CACNA1B: variants seen among roughly 807,000 people sequenced by gnomAD.
CACNA1B encodes the protein voltage-dependent N-type calcium channel subunit alpha-1B.
Under a neutral mutation model 247.2 loss-of-function variants are expected in CACNA1B, and 70 were observed. The observed-to-expected ratio is 0.28, with a 90% CI of 0.23 to 0.35. The LOEUF (loss-of-function observed/expected upper bound fraction) is 0.35. CACNA1B is among the 10% of genes least tolerant of loss of function. CACNA1B has a pLI of 1.00. For missense variants in CACNA1B, 2,367 were observed against 3,197.4 expected, an observed-to-expected ratio of 0.74 and a Z score of 6.26; for synonymous variants, 1,231 against 1,294.4, an observed-to-expected ratio of 0.95 and a Z score of 1.05.
At chr9:138,112,709 G>A (rs929129107) in intron 40 of CACNA1B, among the ~76,000 whole-genome samples, 17 of 152,206 alleles carry the variant, frequency 1.1e-4, no homozygotes, top group Non-Finnish European at 1.9e-4. Flanking sequence ...TGGGTTTGTT[G>A]TGTTGAGCTC....
intron 20 of CACNA1B, among the ~76,000 whole-genome samples, chr9:138,041,602 G>C (rs775027941): frequency 2.0e-5 from 3 of 151,766 alleles, no homozygotes; most frequent in Non-Finnish European, 2.9e-5. Context: ...TCCTATGATT[G>C]ATGACTTTCA....
intron 3 of CACNA1B, among the ~76,000 whole-genome samples, chr9:137,905,081 G>A (rs539708590): frequency 1.6e-4 from 24 of 152,228 alleles, no homozygotes; most frequent in South Asian, 6.2e-4. Context: ...GGGGCCAGGC[G>A]TGGTGGCTTA....
rs1031141632 is a variant in CACNA1B, at chr9:138,010,524, C to G, written c.2160+447C>G. 3.0e-4 allele frequency among the ~76,000 whole-genome samples: 45 copies of G among 152,176 alleles called. No homozygotes were observed. Among genetic ancestry groups the G allele is most frequent in the African/African-American group, 1.0e-3 (43 of 41,434 alleles). On this transcript the variant is annotated intron_variant, in intron 17 of 46. Coordinates refer to ENST00000371372, the MANE Select transcript of CACNA1B (RefSeq NM_000718.4). The surrounding 1 kb of genome is among the most constrained non-coding windows in gnomAD (Gnocchi z 5.3). ...CCCTCTGTGATATCCCTCCGGATGA[C>G]ACAGTCCCCTCCTGGTCATGCTCTC...
Position 137,955,773 on chromosome 9 carries a change from G to A in CACNA1B, c.1146G>A (p.Glu382=), listed in dbSNP as rs1469873371. 1.9e-6 allele frequency: 3 copies of A among 1,612,402 alleles called. No individual in the cohort carries two copies. The highest frequency in any genetic ancestry group is 3.3e-5 in the Admixed American group (2 of 59,824). The change falls in exon 8 of 47, where the codon GAG becomes GAA. Residue 382 remains glutamate (E), a synonymous_variant. Coordinates refer to ENST00000371372, the MANE Select transcript of CACNA1B (RefSeq NM_000718.4). This position sits in a 1 kb window ranked among gnomAD's most constrained non-coding sequence, Gnocchi z 6.9. ...FLKLRRQQQI[E]RELNGYLEWI... is the part of the protein sequence containing the mutation. ...AGCTGCGCCGGCAGCAGCAGATCGAGCGAGAGCTCAACGGGTACCTGGAGT... is the reference window on the plus strand; with the variant it reads ...AGCTGCGCCGGCAGCAGCAGATCGAACGAGAGCTCAACGGGTACCTGGAGT...
chr9:138,046,139 G>A (rs530313429), intron 21 of CACNA1B, among the ~76,000 whole-genome samples: 11 of 152,274 alleles, frequency 7.2e-5, no homozygotes, highest in South Asian at 2.1e-4. Flanking sequence ...TGATTTCCTC[G>A]CTGCTTCCTG....
At chr9:138,084,248 C>A (rs1239731782) in intron 36 of CACNA1B, among the ~76,000 whole-genome samples, 1 of 151,270 alleles carries the variant, frequency 6.6e-6, no homozygotes, top group Non-Finnish European at 1.5e-5. Flanking sequence ...AGGACACCAG[C>A]TCCACAGCCA....
intron 36 of CACNA1B, among the ~76,000 whole-genome samples, chr9:138,091,782 A>G (rs1229024762): frequency 6.6e-6 from 1 of 152,260 alleles, no homozygotes; most frequent in African/African-American, 2.4e-5. Flanking sequence ...ATAAGTAAAA[A>G]TAAGTAAATA....
At chr9:138,112,239 C>T (rs1417978967) in intron 39 of CACNA1B, among the ~76,000 whole-genome samples, 159 bp from the exon 40 acceptor site, 1 of 152,140 alleles carries the variant, frequency 6.6e-6, no homozygotes, top group African/African-American at 2.4e-5. Flanking sequence ...TCTGCATCAG[C>T]GTTTGTTCCC....
chr9:137,893,867 G>A lies in CACNA1B; in HGVS notation c.530+10984G>A, dbSNP rs78377304. On this transcript the variant is annotated intron_variant, in intron 3 of 46. Coordinates refer to ENST00000371372, the MANE Select transcript of CACNA1B (RefSeq NM_000718.4). ...ATTGACACAGGGCCCAGAACAGCCC[G>A]TCCCGGGAGGGCCCCTCATGCTGCC... 8.8e-3 allele frequency among the ~76,000 whole-genome samples: 1,339 copies of A among 152,262 alleles called. 9 individuals are homozygous for A. Among genetic ancestry groups the A allele is most frequent in the Non-Finnish European group, 0.013 (874 of 68,014 alleles).
Position 137,986,271 on chromosome 9 carries a change from C to A in CACNA1B, c.1770-142C>A. ...GTCCAGGGTAGTGGGCCTGAAACTC[C>A]AGAGAAAAGCTCTAACTTCACACCT... On this transcript the variant is annotated intron_variant, in intron 13 of 46. Coordinates refer to ENST00000371372, the MANE Select transcript of CACNA1B (RefSeq NM_000718.4). The surrounding 1 kb of genome is among the most constrained non-coding windows in gnomAD (Gnocchi z 6.0). The A allele has an allele frequency of 1.1e-6, 1 of 909,052 alleles. No homozygotes were observed. The highest frequency in any genetic ancestry group is 1.6e-6 in the Non-Finnish European group (1 of 610,692). 56.3% of individuals were successfully genotyped at this position (909,052 alleles called of 1,614,324 possible).
Position 138,058,784 on chromosome 9 carries a change from T to A in CACNA1B, c.4473+51T>A. The A allele has an allele frequency of 6.6e-7, 1 of 1,511,736 alleles. No homozygotes were observed. The highest frequency in any genetic ancestry group is 1.2e-5 in the South Asian group (1 of 83,416). 93.6% of individuals were successfully genotyped at this position (1,511,736 alleles called of 1,614,324 possible). On this transcript the variant is annotated intron_variant, in intron 29 of 46. Transcript: ENST00000371372. The surrounding 1 kb of genome is among the most constrained non-coding windows in gnomAD (Gnocchi z 4.7). ...CAGCTGGCGCTGCTAGGGATTGGGA[T>A]CTAACCCTGAGGCTGAGTGGAGAGT...
chr9:138,105,430 T>G (rs1489363788), intron 38 of CACNA1B, among the ~76,000 whole-genome samples: 2 of 152,172 alleles, frequency 1.3e-5, no homozygotes, highest in Non-Finnish European at 2.9e-5. Flanking sequence ...GGCTGTGCTT[T>G]CAGAGGGATC....
intron 20 of CACNA1B, among the ~76,000 whole-genome samples, chr9:138,038,242 CT>C (rs1959070821): frequency 6.6e-6 from 1 of 152,206 alleles, no homozygotes; most frequent in Non-Finnish European, 1.5e-5. Flanking sequence ...AATGTTCACC[CT>C]TTCAAGTTGA....
intron 31 of CACNA1B, among the ~76,000 whole-genome samples, chr9:138,064,266 A>G (rs1427021594): frequency 2.0e-5 from 3 of 152,110 alleles, no homozygotes; most frequent in Non-Finnish European, 4.4e-5. Context: ...GTCTGGATCC[A>G]GTGTGCAATT....
rs1958179126 is a variant in CACNA1B, at chr9:137,973,339, A to G, written c.1543+1747A>G. Among the ~76,000 whole-genome samples, 1 of 152,152 alleles carries G rather than the reference A, an allele frequency of 6.6e-6. No homozygotes were observed. Among genetic ancestry groups the G allele is most frequent in the South Asian group, 2.1e-4 (1 of 4,826 alleles). ...CCTGAGGGAGGCTTGCTCAGTAGGTAGGACAGGCTTGCCAGAGGCGAGGGG... is the reference window on the plus strand; with the variant it reads ...CCTGAGGGAGGCTTGCTCAGTAGGTGGGACAGGCTTGCCAGAGGCGAGGGG... On this transcript the variant is annotated intron_variant, in intron 11 of 46. Coordinates refer to ENST00000371372, the MANE Select transcript of CACNA1B (RefSeq NM_000718.4). The surrounding 1 kb of genome is among the most constrained non-coding windows in gnomAD (Gnocchi z 4.1).
intron 41 of CACNA1B, among the ~76,000 whole-genome samples, chr9:138,114,948 C>T (rs1415289422): frequency 1.3e-5 from 2 of 152,158 alleles, no homozygotes; most frequent in South Asian, 4.1e-4. Flanking sequence ...TTCCCGATGT[C>T]GTCCTTCCCA....
Position 138,020,171 on chromosome 9 carries a change from G to A in CACNA1B, c.2268-2840G>A, listed in dbSNP as rs1471204055. ...ACACCAGGGCTGCTTCATATTGTCA[G>A]CAGTTCCGGGTTGTCTGAGCCCAGA... On this transcript the variant is annotated intron_variant, in intron 18 of 46. Transcript: ENST00000371372. This position sits in a 1 kb window ranked among gnomAD's most constrained non-coding sequence, Gnocchi z 4.1. Among the ~76,000 whole-genome samples the A allele has an allele frequency of 6.6e-6, 1 of 151,182 alleles. No homozygotes were observed. The highest frequency in any genetic ancestry group is 1.5e-5 in the Non-Finnish European group (1 of 67,960).
Position 138,023,826 on chromosome 9 carries a change from G to C in CACNA1B, c.3068+15G>C, listed in dbSNP as rs1958884445. On this transcript the variant is annotated intron_variant, in intron 19 of 46. Coordinates refer to ENST00000371372, the MANE Select transcript of CACNA1B (RefSeq NM_000718.4). ...CACCAGCCCCGGTGAGTCCGCGGCT[G>C]GGCGGGGTCAGGGAGGGAAGGGTTG... 1 of 1,268,078 alleles carries C rather than the reference G, an allele frequency of 7.9e-7. No homozygotes were observed. Among genetic ancestry groups the C allele is most frequent in the Admixed American group, 2.0e-5 (1 of 50,502 alleles). The allele number at this position is 1,268,078 out of a possible 1,614,324, so 78.6% of individuals were successfully genotyped here. A position where few individuals can be genotyped will look rare whatever the true frequency, so the allele number is the denominator to read the frequency against.
At position 138,043,855 on chromosome 9, in the gene CACNA1B, C is replaced by T; in HGVS notation, c.3368C>T (p.Pro1123Leu). ...ADDVMRSGPR[P>L]IVPYSSMFCL... ...GACGTGATGAGGAGCGGCCCCCGGC[C>T]TATCGTCCCATACAGCTCCATGTTC... Residue 1123 changes from proline to leucine, a missense_variant, in exon 21 of 47, where the codon CCT becomes CTT. Pro to Leu is a moderately conservative substitution (Grantham distance 98). Around this residue, in one of 12 missense-constraint regions of CACNA1B, gnomAD observed 631 missense variants for 631.1 expected, o/e 1.00. Transcript: ENST00000371372. The T allele has an allele frequency of 6.2e-7, 1 of 1,613,992 alleles. No individual in the cohort carries two copies. Among genetic ancestry groups the T allele is most frequent in the East Asian group, 2.2e-5 (1 of 44,870 alleles).
Sources: gnomAD v4.1 joint callset for allele counts (sites outside exome capture counted in the v4.1 genomes callset) on GRCh38, gnomAD v4.1.1 for gene constraint, gnomAD v4.1.1 regional missense constraint, Gnocchi (gnomAD v3.1) non-coding constraint, MANE v1.5 for transcripts, NCBI Gene and HGNC (gene_info 2026-07-23, HGNC 2026-07-21) for gene names.